Variants in PPP2R2D observed in about 807,000 individuals in gnomAD.
The protein encoded by PPP2R2D is protein phosphatase 2 regulatory subunit Bdelta, also known as serine/threonine-protein phosphatase 2A 55 kDa regulatory subunit B delta isoform.
Under a neutral mutation model 31.1 loss-of-function variants are expected in PPP2R2D, and 9 were observed. The observed-to-expected ratio is 0.29, with a 90% CI of 0.17 to 0.51. The LOEUF (loss-of-function observed/expected upper bound fraction) is 0.51, where lower values mean the gene tolerates loss of function less well. Ranked by LOEUF, PPP2R2D falls within the 20% of genes least tolerant of loss-of-function variation. The pLI is 0.98. For missense variants in PPP2R2D, 391 were observed against 465.6 expected, an observed-to-expected ratio of 0.84 and a Z score of 1.48; for synonymous variants, 179 against 172.6, an observed-to-expected ratio of 1.04 and a Z score of -0.29.
In PPP2R2D at chr10:131,952,517, G is replaced by T. The variant is rs1413715480; in HGVS notation, c.1083-3167G>T. On this transcript the variant is annotated intron_variant, in intron 8 of 8. Coordinates refer to ENST00000455566, the MANE Select transcript of PPP2R2D (RefSeq NM_018461.5). ...GGTTCACTGTCTTAGTGACTTGTGG[G>T]TGTGCGGGTGGTTCACTGTCTTAGT... 4.4e-4 allele frequency among the ~76,000 whole-genome samples: 37 copies of T among 84,856 alleles called. 1 individual carries two copies. Among genetic ancestry groups the T allele is most frequent in the African/African-American group, 1.7e-3 (29 of 16,858 alleles). The allele number at this position is 84,856 out of a possible 152,430, so 55.7% of individuals were successfully genotyped here. A position where few individuals can be genotyped will look rare whatever the true frequency, so the allele number is the denominator to read the frequency against.
At chr10:131,901,621 C>T (rs1255692274) in intron 2 of PPP2R2D, among the ~76,000 whole-genome samples, 3 of 152,114 alleles carry the variant, frequency 2.0e-5, no homozygotes, top group Non-Finnish European at 2.9e-5. Flanking sequence ...GGGCTGCCTC[C>T]TGCCCGGGGC....
intron 2 of PPP2R2D, among the ~76,000 whole-genome samples, chr10:131,926,775 A>G (rs1554894983): frequency 1.3e-5 from 2 of 152,236 alleles, no homozygotes; most frequent in African/African-American, 4.8e-5. Flanking sequence ...TGCAGTATGC[A>G]CACAGCTCTG....
chr10:131,938,389 A>C lies in PPP2R2D; in HGVS notation c.199-1642A>C, dbSNP rs528283975. On this transcript the variant is annotated intron_variant, in intron 3 of 8. Coordinates refer to ENST00000455566, the MANE Select transcript of PPP2R2D (RefSeq NM_018461.5). ...TATGAAATATTTAATACTTAATAGA[A>C]AATTTCACTTAGGGCATACAGAAGA... Among the ~76,000 whole-genome samples, 15 of 152,320 alleles carry C rather than the reference A, an allele frequency of 9.8e-5. No homozygotes were observed. In the South Asian group the frequency reaches 3.1e-3, roughly 32 times the overall value.
intron 2 of PPP2R2D, among the ~76,000 whole-genome samples, chr10:131,909,113 G>A (rs1383840533): frequency 6.6e-6 from 1 of 152,210 alleles, no homozygotes; most frequent in Non-Finnish European, 1.5e-5. Context: ...AGGAAGGGAA[G>A]GGGAGGAGAA....
At chr10:131,911,237 G>A (rs2035677899) in intron 2 of PPP2R2D, among the ~76,000 whole-genome samples, 2 of 152,328 alleles carry the variant, frequency 1.3e-5, no homozygotes, top group South Asian at 4.1e-4. Flanking sequence ...ATGGAATCAG[G>A]ACCCCAGCCA....
intron 2 of PPP2R2D, among the ~76,000 whole-genome samples, chr10:131,916,425 A>G (rs1236707018): frequency 6.6e-6 from 1 of 151,880 alleles, no homozygotes. Context: ...ATAAGTGTAC[A>G]GTTGCGTGGT....
chr10:131,931,164 T>C (rs2036216655), intron 2 of PPP2R2D, among the ~76,000 whole-genome samples: 1 of 152,110 alleles, frequency 6.6e-6, no homozygotes, highest in Non-Finnish European at 1.5e-5. Flanking sequence ...CCCTGCTTCC[T>C]GGGGCTCTTA....
chr10:131,945,815 A>G lies in PPP2R2D; in HGVS notation c.820+356A>G, dbSNP rs1365497463. On this transcript the variant is annotated intron_variant, in intron 7 of 8. Transcript: ENST00000455566. This position sits in a 1 kb window ranked among gnomAD's most constrained non-coding sequence, Gnocchi z 4.8. ...TGTTCTTCAGACACTCCAAAGACTT[A>G]GAGAGTTCTTCCTGTTCCCCAAGTG... 1.1e-5 allele frequency: 2 copies of G among 186,910 alleles called. No homozygotes were observed. Among genetic ancestry groups the G allele is most frequent in the East Asian group, 1.4e-4 (1 of 7,018 alleles). 11.6% of individuals were successfully genotyped at this position (186,910 alleles called of 1,614,324 possible).
chr10:131,903,908 G>A (rs898563251), intron 2 of PPP2R2D, among the ~76,000 whole-genome samples: 232 of 152,220 alleles, frequency 1.5e-3, no homozygotes, highest in Middle Eastern at 3.4e-3. Flanking sequence ...GTTGGTGAGA[G>A]ATAAGAGATG....
At chr10:131,927,230 G>A (rs2036123948) in intron 2 of PPP2R2D, among the ~76,000 whole-genome samples, 1 of 152,102 alleles carries the variant, frequency 6.6e-6, no homozygotes, top group African/African-American at 2.4e-5. Context: ...GTCATTTTGA[G>A]GAGGGAGGAG....
chr10:131,905,996 CAA>C (rs1240404152), intron 2 of PPP2R2D, among the ~76,000 whole-genome samples: 3 of 152,214 alleles, frequency 2.0e-5, no homozygotes, highest in African/African-American at 7.2e-5. Flanking sequence ...AGATTAGTAA[CAA>C]GGATTCAAGA....
intron 2 of PPP2R2D, among the ~76,000 whole-genome samples, chr10:131,934,096 T>C (rs536222772): frequency 1.3e-5 from 2 of 152,342 alleles, no homozygotes; most frequent in South Asian, 2.1e-4. Flanking sequence ...ATTATAAAAT[T>C]AGGCAACATT....
downstream of PPP2R2D, among the ~76,000 whole-genome samples, chr10:131,963,233 C>T (rs2036944970): frequency 6.6e-6 from 1 of 152,200 alleles, no homozygotes. Flanking sequence ...ATTTATGATT[C>T]CAAGAACTTT....
chr10:131,902,646 C>T (rs1290209283), intron 2 of PPP2R2D, among the ~76,000 whole-genome samples: 2 of 152,202 alleles, frequency 1.3e-5, no homozygotes, highest in East Asian at 1.9e-4. Context: ...AAGCAAGTGA[C>T]AGTTCAGCCT....
chr10:131,906,918 G>C (rs2035597244), intron 2 of PPP2R2D, among the ~76,000 whole-genome samples: 1 of 151,844 alleles, frequency 6.6e-6, no homozygotes. Flanking sequence ...TCCAGCCTGG[G>C]CAATAGAGTG....
chr10:131,970,532 G>A, the PPP2R2D span: 2 of 1,433,400 alleles, frequency 1.4e-6, no homozygotes, highest in Non-Finnish European at 1.9e-6. The surrounding 1 kb of genome is among the most constrained non-coding windows in gnomAD (Gnocchi z 4.1). Flanking sequence ...GCACCAAGCT[G>A]TAACTGATGA....
At chr10:131,914,607 G>A (rs1342789535) in intron 2 of PPP2R2D, among the ~76,000 whole-genome samples, 2 of 152,208 alleles carry the variant, frequency 1.3e-5, no homozygotes, top group African/African-American at 4.8e-5. Flanking sequence ...TAGTGAGGCG[G>A]TTACATGTGT....
chr10:131,939,497 C>G (rs1554896870), intron 3 of PPP2R2D, among the ~76,000 whole-genome samples: 4 of 103,456 alleles, frequency 3.9e-5, no homozygotes. Context: ...CTGCATTCGG[C>G]AGACCTGCTC....
At chr10:131,968,593 T>C in the PPP2R2D span, 1 of 1,567,746 alleles carries the variant, frequency 6.4e-7, no homozygotes, top group Admixed American at 1.7e-5. Context: ...TTATCAGTAG[T>C]TAATGTATCT....
Sources: gnomAD v4.1 joint callset for allele counts (sites outside exome capture counted in the v4.1 genomes callset) on GRCh38, gnomAD v4.1.1 for gene constraint, Gnocchi (gnomAD v3.1) non-coding constraint, MANE v1.5 for transcripts, NCBI Gene and HGNC (gene_info 2026-07-23, HGNC 2026-07-21) for gene names.